Variants in SRRM4 observed in about 807,000 individuals in gnomAD.
The protein encoded by SRRM4 is serine/arginine repetitive matrix protein 4.
In SRRM4, 33 loss-of-function variants were observed where a neutral mutation model predicts 68.9. That is an observed-to-expected ratio of 0.48 (90% CI 0.36 to 0.64). SRRM4 has a LOEUF of 0.64. SRRM4 is among the 30% of genes least tolerant of loss of function. The pLI is 0.00. For synonymous variants in SRRM4, 318 were observed against 318.8 expected, an observed-to-expected ratio of 1.00 and a Z score of 0.03; for missense variants, 817 against 827.1, an observed-to-expected ratio of 0.99 and a Z score of 0.15.
At chr12:119,150,102 GTTTAC>G (rs987620394) in intron 9 of SRRM4, among the ~76,000 whole-genome samples, 3 of 152,158 alleles carry the variant, frequency 2.0e-5, no homozygotes, top group African/African-American at 7.2e-5. Flanking sequence ...TGATATTCCT[GTTTAC>G]TTTAATAAAC....
At chr12:119,129,577 A>G (rs1954281162) in intron 7 of SRRM4, among the ~76,000 whole-genome samples, 1 of 152,344 alleles carries the variant, frequency 6.6e-6, no homozygotes, top group Non-Finnish European at 1.5e-5. Flanking sequence ...ACACCCAGAC[A>G]TACACATAGT....
intron 1 of SRRM4, among the ~76,000 whole-genome samples, chr12:119,073,202 G>A (rs2136027115): frequency 6.6e-6 from 1 of 152,260 alleles, no homozygotes; most frequent in South Asian, 2.1e-4. Context: ...TGTATATGAG[G>A]CAAGTGGTTA....
At chr12:119,061,350 G>C (rs1253924444) in intron 1 of SRRM4, among the ~76,000 whole-genome samples, 1 of 152,140 alleles carries the variant, frequency 6.6e-6, no homozygotes, top group African/African-American at 2.4e-5. Context: ...CAGAACTTCC[G>C]CTCAAATCCA....
At chr12:118,995,615 GA>G (rs1324176485) in intron 1 of SRRM4, among the ~76,000 whole-genome samples, 5 of 152,152 alleles carry the variant, frequency 3.3e-5, no homozygotes, top group Admixed American at 6.5e-5. Context: ...GTTTCCCTAG[GA>G]ATGAGAAACA....
chr12:119,013,568 A>G (rs1234543048), intron 1 of SRRM4, among the ~76,000 whole-genome samples: 3 of 152,174 alleles, frequency 2.0e-5, no homozygotes, highest in Non-Finnish European at 4.4e-5. Flanking sequence ...TTCCAGAAAT[A>G]TTTTATATGA....
At chr12:119,092,329 C>G (rs1344642807) in intron 1 of SRRM4, among the ~76,000 whole-genome samples, 1 of 152,192 alleles carries the variant, frequency 6.6e-6, no homozygotes, top group Non-Finnish European at 1.5e-5. Flanking sequence ...CTGATCTCTT[C>G]TCTGAACTCC....
At chr12:119,052,688 C>T (rs1334339659) in intron 1 of SRRM4, among the ~76,000 whole-genome samples, 5 of 152,136 alleles carry the variant, frequency 3.3e-5, no homozygotes, top group Admixed American at 6.6e-5. Flanking sequence ...GCCACCACCC[C>T]GGACTAATTT....
At chr12:119,049,953 A>G (rs1228519299) in intron 1 of SRRM4, among the ~76,000 whole-genome samples, 1 of 152,200 alleles carries the variant, frequency 6.6e-6, no homozygotes. Flanking sequence ...CTATTTTCAA[A>G]TGCAATCACA....
intron 2 of SRRM4, among the ~76,000 whole-genome samples, chr12:119,112,222 TA>T (rs1468086149): frequency 3.3e-5 from 5 of 152,068 alleles, no homozygotes; most frequent in African/African-American, 1.2e-4. Flanking sequence ...GGGACCCTCT[TA>T]GAAATGCAAA....
chr12:119,151,246 T>C, intron 10 of SRRM4, 26 bp downstream of exon 10: 1 of 1,592,258 alleles, frequency 6.3e-7, no homozygotes, highest in Non-Finnish European at 8.6e-7. Context: ...ACCTTTGCTC[T>C]GCAGCACCTT....
At chr12:119,113,473 C>G (rs1954157160) in intron 2 of SRRM4, among the ~76,000 whole-genome samples, 1 of 152,134 alleles carries the variant, frequency 6.6e-6, no homozygotes, top group African/African-American at 2.4e-5. Context: ...GTGTTTGTAT[C>G]CCAATATATA....
chr12:119,010,184 C>A (rs988625014), intron 1 of SRRM4, among the ~76,000 whole-genome samples: 1 of 152,214 alleles, frequency 6.6e-6, no homozygotes, highest in Non-Finnish European at 1.5e-5. Flanking sequence ...TCCTGAGTAG[C>A]CGGGACTACA....
In SRRM4 at chr12:119,125,399, A is replaced by G. The variant is rs369030241; in HGVS notation, c.534A>G (p.Arg178=). Reference sequence around the variant, plus strand: ...CCCCAAGATCTCGAAGCCGGCCCCGAAAGTCTCACCGCCACCGCCATCACC... The same window carrying G: ...CCCCAAGATCTCGAAGCCGGCCCCGGAAGTCTCACCGCCACCGCCATCACC... ...RHKKQSRSRP[R]KSHRHRHHRC... Residue 178 remains arginine (R), a synonymous_variant, in exon 7 of 13, where the codon CGA becomes CGG. Coordinates refer to ENST00000267260, the MANE Select transcript of SRRM4 (RefSeq NM_194286.4). The G allele has an allele frequency of 1.9e-6, 3 of 1,612,758 alleles. No individual in the cohort carries two copies. Among genetic ancestry groups the G allele is most frequent in the Middle Eastern group, 3.3e-4 (2 of 6,058 alleles).
At chr12:119,139,634 G>A (rs970115241) in intron 8 of SRRM4, among the ~76,000 whole-genome samples, 10 of 152,106 alleles carry the variant, frequency 6.6e-5, no homozygotes, top group African/African-American at 9.7e-5. Context: ...GGAGTAAGAC[G>A]ATTTACTCAC....
chr12:119,010,200 C>T lies in SRRM4; in HGVS notation c.131+28187C>T, dbSNP rs1953440382. ...CCTGAGTAGCCGGGACTACAAGCACCCACCACCACGCCCGGCTAATTTTCG... is the reference window on the plus strand; with the variant it reads ...CCTGAGTAGCCGGGACTACAAGCACTCACCACCACGCCCGGCTAATTTTCG... On this transcript the variant is annotated intron_variant, in intron 1 of 12. Transcript: ENST00000267260. Among the ~76,000 whole-genome samples the T allele has an allele frequency of 2.0e-5, 3 of 152,150 alleles. No individual in the cohort carries two copies. The South Asian group carries it at 6.2e-4, about 32-fold the overall frequency.
At chr12:119,059,818 G>C (rs1953799604) in intron 1 of SRRM4, among the ~76,000 whole-genome samples, 1 of 152,166 alleles carries the variant, frequency 6.6e-6, no homozygotes. Flanking sequence ...GTCATACCCT[G>C]TTAGCCCAGG....
intron 8 of SRRM4, among the ~76,000 whole-genome samples, chr12:119,139,081 C>T (rs940541616): frequency 6.6e-6 from 1 of 152,130 alleles, no homozygotes; most frequent in African/African-American, 2.4e-5. Context: ...TGAAGAGGAG[C>T]TCTTCAAAGA....
intron 1 of SRRM4, among the ~76,000 whole-genome samples, chr12:119,073,476 T>C (rs1315000586): frequency 6.6e-6 from 1 of 152,026 alleles, no homozygotes; most frequent in Non-Finnish European, 1.5e-5. Flanking sequence ...TACAGGCACC[T>C]GCCATGCCCA....
At chr12:119,123,497 T>TAAG (rs1555220113) in intron 6 of SRRM4, among the ~76,000 whole-genome samples, 2 of 151,066 alleles carry the variant, frequency 1.3e-5, no homozygotes, top group African/African-American at 4.9e-5. Context: ...TCAACAGCGC[T>TAAG]AGGAAGGACC....
Sources: allele counts gnomAD v4.1 joint callset (sites outside exome capture counted in the v4.1 genomes callset), GRCh38; gene constraint gnomAD v4.1.1; transcripts MANE v1.5; gene names NCBI Gene and HGNC (gene_info 2026-07-23, HGNC 2026-07-21).